Variants in MAGI1 observed in about 807,000 individuals in gnomAD.
MAGI1 encodes the protein membrane associated guanylate kinase, WW and PDZ domain containing 1, also known as membrane-associated guanylate kinase, WW and PDZ domain-containing protein 1.
In MAGI1, 58 loss-of-function variants were observed where a neutral mutation model predicts 139.9. The observed-to-expected ratio is 0.41, with a 90% CI of 0.34 to 0.52. The LOEUF (loss-of-function observed/expected upper bound fraction) is 0.52. Ranked by LOEUF, MAGI1 falls within the 20% of genes least tolerant of loss-of-function variation. The pLI is 0.12. For missense variants in MAGI1, 1,874 were observed against 1,901.6 expected, an observed-to-expected ratio of 0.99 and a Z score of 0.27; for synonymous variants, 812 against 737.9, an observed-to-expected ratio of 1.10 and a Z score of -1.63.
At chr3:65,649,639 A>T (rs2085472774) in intron 1 of MAGI1, among the ~76,000 whole-genome samples, 1 of 152,232 alleles carries the variant, frequency 6.6e-6, no homozygotes, top group Non-Finnish European at 1.5e-5. Context: ...CTGAATATTC[A>T]ATAGTAAAAC....
chr3:65,714,242 C>G (rs538019035), intron 1 of MAGI1, among the ~76,000 whole-genome samples: 1 of 152,170 alleles, frequency 6.6e-6, no homozygotes, highest in African/African-American at 2.4e-5. Context: ...GGCATTCCTC[C>G]AATGGCCCTG....
At chr3:65,662,890 T>C (rs1019558747) in intron 1 of MAGI1, among the ~76,000 whole-genome samples, 1 of 152,196 alleles carries the variant, frequency 6.6e-6, no homozygotes, top group Non-Finnish European at 1.5e-5. Context: ...ACTATTCTGC[T>C]GGTAGACAGG....
At chr3:65,691,448 T>C (rs186835723) in intron 1 of MAGI1, among the ~76,000 whole-genome samples, 50 of 152,256 alleles carry the variant, frequency 3.3e-4, no homozygotes, top group African/African-American at 9.1e-4. Flanking sequence ...CCTAAATACA[T>C]TGACACATTA....
Position 65,475,106 on chromosome 3 carries a change from A to G in MAGI1, c.757+3486T>C, listed in dbSNP as rs538710989. On this transcript the variant is annotated intron_variant, in intron 4 of 22. Coordinates refer to ENST00000402939, the MANE Select transcript of MAGI1 (RefSeq NM_001033057.2). ...TTTAAGAATATCAGGGATTATTGGG[A>G]AAAAAAAAAGCCTAGAAACATGATT... is the stretch of plus-strand genomic sequence containing the variant. Among the ~76,000 whole-genome samples, 90 of 149,036 alleles carry G rather than the reference A, an allele frequency of 6.0e-4. 2 individuals are homozygous for G. In the South Asian group the frequency reaches 0.011, roughly 19 times the overall value.
In MAGI1 at chr3:65,716,042, AAAAC is replaced by A. The variant is rs559954099; in HGVS notation, c.314-93958_314-93955del. On this transcript the variant is annotated intron_variant, in intron 1 of 22. Coordinates refer to ENST00000402939, the MANE Select transcript of MAGI1 (RefSeq NM_001033057.2). Reference sequence around the variant, plus strand: ...TCAGTTCTGTATTCTAAGGCCTGTGAAAACAAACAATTATATTCCAAAAAAATCG... The same window carrying A: ...TCAGTTCTGTATTCTAAGGCCTGTGAAAACAATTATATTCCAAAAAAATCG... Among the ~76,000 whole-genome samples the A allele has an allele frequency of 3.0e-4, 45 of 152,358 alleles. No individual in the cohort carries two copies. The South Asian group carries it at 9.3e-3, about 32-fold the overall frequency.
At chr3:65,796,050 C>CAAAAAAAAA (rs35663778) in intron 1 of MAGI1, among the ~76,000 whole-genome samples, 8 of 103,038 alleles carry the variant, frequency 7.8e-5, no homozygotes, top group African/African-American at 2.0e-4. Flanking sequence ...GACTCTGTCT[C>CAAAAAAAAA]AAAAAAAAAA....
chr3:65,732,420 G>A (rs1349448990), intron 1 of MAGI1, among the ~76,000 whole-genome samples: 1 of 152,166 alleles, frequency 6.6e-6, no homozygotes, highest in Non-Finnish European at 1.5e-5. Flanking sequence ...AGAGCTCCCA[G>A]GATTAGCTGT....
intron 2 of MAGI1, among the ~76,000 whole-genome samples, chr3:65,603,963 CA>C (rs2082608746): frequency 6.6e-6 from 1 of 152,158 alleles, no homozygotes; most frequent in Admixed American, 6.5e-5. Flanking sequence ...ATGACTGAAT[CA>C]CCTCGGAAAG....
At chr3:65,963,376 G>T (rs749130010) in intron 1 of MAGI1, among the ~76,000 whole-genome samples, 31 of 149,760 alleles carry the variant, frequency 2.1e-4, no homozygotes, top group Non-Finnish European at 3.7e-4. Context: ...CCACCACTTT[G>T]GGAGGCCAAG....
chr3:65,357,935 A>G (rs1383100038), intron 22 of MAGI1, among the ~76,000 whole-genome samples: 4 of 152,184 alleles, frequency 2.6e-5, no homozygotes, highest in African/African-American at 9.7e-5. Context: ...ACTGTTTTTA[A>G]AAGGTGTTTT....
intron 1 of MAGI1, among the ~76,000 whole-genome samples, chr3:65,808,155 T>C (rs1436408832): frequency 1.3e-5 from 2 of 152,074 alleles, no homozygotes; most frequent in Admixed American, 6.6e-5. Flanking sequence ...CCAGCTAATT[T>C]TGTATTTTTA....
In MAGI1 at chr3:66,038,352, G is replaced by C. The variant is rs1384223105; in HGVS notation, c.-44C>G. ...TCCAAAAAAATAAAACGAGAGACAG[G>C]TGCCCCCCACAGCACGAGCCCCCAA... is the stretch of plus-strand genomic sequence containing the variant. On this transcript the variant is annotated 5_prime_UTR_variant, in exon 1 of 23. Transcript: ENST00000402939. The C allele has an allele frequency of 2.6e-6, 4 of 1,511,104 alleles. No individual in the cohort carries two copies. The highest frequency in any genetic ancestry group is 3.5e-6 in the Non-Finnish European group (4 of 1,132,794). The allele number at this position is 1,511,104 out of a possible 1,614,324, so 93.6% of individuals were successfully genotyped here.
At chr3:65,401,112 C>T (rs916229529) in intron 13 of MAGI1, among the ~76,000 whole-genome samples, 3 of 152,084 alleles carry the variant, frequency 2.0e-5, no homozygotes, top group Non-Finnish European at 4.4e-5. Context: ...GAAACAATAG[C>T]ATTTGTATCA....
At chr3:65,604,357 T>C (rs2106867737) in intron 2 of MAGI1, among the ~76,000 whole-genome samples, 1 of 152,240 alleles carries the variant, frequency 6.6e-6, no homozygotes, top group South Asian at 2.1e-4. Flanking sequence ...TTGATATTAA[T>C]ATATAATGAT....
At chr3:65,892,843 A>G (rs1167270918) in intron 1 of MAGI1, among the ~76,000 whole-genome samples, 3 of 152,190 alleles carry the variant, frequency 2.0e-5, no homozygotes, top group South Asian at 4.1e-4. Flanking sequence ...AGGAAATAGG[A>G]AACACTATTA....
intron 1 of MAGI1, among the ~76,000 whole-genome samples, chr3:65,735,710 A>G (rs186524773): frequency 2.6e-5 from 4 of 152,152 alleles, no homozygotes; most frequent in Non-Finnish European, 5.9e-5. Context: ...AAGAAAAGCA[A>G]CATGTGCTGA....
chr3:65,759,065 CAAAAAAAAAAAAAAAAAA>C (rs200497203), intron 1 of MAGI1, among the ~76,000 whole-genome samples: 1 of 73,070 alleles, frequency 1.4e-5, no homozygotes, highest in African/African-American at 5.5e-5. Context: ...AGGCCCAGTG[CAAAAAAAAAAAAAAAAAA>C]AAAAAAAAAA....
chr3:65,710,220 A>G (rs1341082324), intron 1 of MAGI1, among the ~76,000 whole-genome samples: 1 of 151,340 alleles, frequency 6.6e-6, no homozygotes, highest in Non-Finnish European at 1.5e-5. Context: ...AAACTAGGTA[A>G]GTTTAGAAGA....
chr3:65,451,308 T>C (rs1949018353), intron 6 of MAGI1, among the ~76,000 whole-genome samples: 1 of 152,200 alleles, frequency 6.6e-6, no homozygotes, highest in Non-Finnish European at 1.5e-5. Flanking sequence ...ATATTGACAT[T>C]GAAGACCCTA....
Sources: allele counts gnomAD v4.1 joint callset (sites outside exome capture counted in the v4.1 genomes callset), GRCh38; gene constraint gnomAD v4.1.1; transcripts MANE v1.5; gene names NCBI Gene and HGNC (gene_info 2026-07-23, HGNC 2026-07-21).